The following EYS variants were observed in gnomAD, a reference collection of about 807,000 sequenced individuals.
EYS encodes the protein protein eyes shut homolog.
Under a neutral mutation model 282.1 loss-of-function variants are expected in EYS, and 250 were observed. That is an observed-to-expected ratio of 0.89 (90% CI 0.80 to 0.98). The LOEUF is 0.98. Among genes scored for constraint, EYS ranks in the 50% least tolerant of loss-of-function variants. The pLI is 0.00. For synonymous variants in EYS, 1,355 were observed against 1,282.9 expected (o/e 1.06, Z -1.20); for missense variants, 4,016 against 3,709.0 (o/e 1.08, Z -2.15).
chr6:64,059,125 CT>C (rs1771079434), intron 33 of EYS, among the ~76,000 whole-genome samples: 1 of 152,160 alleles, frequency 6.6e-6, no homozygotes, highest in African/African-American at 2.4e-5. Context: ...TGCAGATCCT[CT>C]TTCATCTGTT....
At chr6:63,860,787 A>T (rs529548737) in intron 36 of EYS, among the ~76,000 whole-genome samples, 29 of 152,338 alleles carry the variant, frequency 1.9e-4, no homozygotes, top group South Asian at 1.5e-3. Context: ...GGGCTGAGAG[A>T]TGAGAGGAGT....
At chr6:65,572,540 T>C (rs537779731) in intron 2 of EYS, among the ~76,000 whole-genome samples, 1 of 152,154 alleles carries the variant, frequency 6.6e-6, no homozygotes, top group African/African-American at 2.4e-5. Flanking sequence ...TTTTATCATA[T>C]GCAGGGGAAA....
At chr6:64,760,789 C>G (rs1347836176) in intron 22 of EYS, among the ~76,000 whole-genome samples, 2 of 152,096 alleles carry the variant, frequency 1.3e-5, no homozygotes, top group Non-Finnish European at 2.9e-5. Context: ...ATTCAGCCAG[C>G]CATGGATGCT....
chr6:64,428,265 T>C (rs549519463), intron 28 of EYS, among the ~76,000 whole-genome samples: 1 of 152,120 alleles, frequency 6.6e-6, no homozygotes, highest in African/African-American at 2.4e-5. Flanking sequence ...AGCAAGAATA[T>C]TTTTTCATCT....
intron 2 of EYS, among the ~76,000 whole-genome samples, chr6:65,582,635 AC>A (rs1335485200): frequency 6.6e-6 from 1 of 151,936 alleles, no homozygotes; most frequent in Non-Finnish European, 1.5e-5. Flanking sequence ...CTTTCAACAA[AC>A]CCATACACTC....
chr6:64,191,871 A>G lies in EYS; in HGVS notation c.6424+38721T>C, dbSNP rs540534308. Among the ~76,000 whole-genome samples, 1,338 of 151,018 alleles carry G rather than the reference A, an allele frequency of 8.9e-3. 16 individuals carry two copies. Among genetic ancestry groups the G allele is most frequent in the African/African-American group, 0.03 (1,249 of 41,038 alleles). On this transcript the variant is annotated intron_variant, in intron 31 of 42. Coordinates refer to ENST00000503581, the MANE Select transcript of EYS (RefSeq NM_001142800.2). ...TAATGGGATGGCTGGGTCAAATGGT[A>G]TTTCTAGTTCAAGATCCCTGAGGAA...
chr6:64,917,336 C>T (rs987438570), intron 15 of EYS, among the ~76,000 whole-genome samples: 3 of 151,730 alleles, frequency 2.0e-5, no homozygotes, highest in African/African-American at 7.3e-5. Context: ...GTTTACCTTA[C>T]CATAAACATT....
At chr6:64,150,735 C>A (rs564646606) in intron 31 of EYS, among the ~76,000 whole-genome samples, 1 of 152,184 alleles carries the variant, frequency 6.6e-6, no homozygotes, top group Admixed American at 6.5e-5. Context: ...GTAGCTCATG[C>A]CTATAACATC....
chr6:65,428,860 C>T (rs2150382379), intron 5 of EYS, among the ~76,000 whole-genome samples: 1 of 152,122 alleles, frequency 6.6e-6, no homozygotes, highest in African/African-American at 2.4e-5. Flanking sequence ...CCACATGAGG[C>T]ACCAATATGA....
chr6:64,305,768 A>C (rs1769418962), intron 30 of EYS, among the ~76,000 whole-genome samples: 1 of 152,216 alleles, frequency 6.6e-6, no homozygotes, highest in African/African-American at 2.4e-5. Context: ...TGAAACTTTA[A>C]AGCTTTTAGT....
At position 65,405,216 on chromosome 6, in the gene EYS, TAATGA is replaced by T; in HGVS notation, c.1009_1013del (p.Leu338ThrfsTer7). 6 of 1,613,238 alleles carry T rather than the reference TAATGA, an allele frequency of 3.7e-6. No homozygotes were observed. The highest frequency in any genetic ancestry group is 4.2e-6 in the Non-Finnish European group (5 of 1,179,438). On this transcript the variant is annotated frameshift_variant, in exon 6 of 43. Coordinates refer to ENST00000503581, the MANE Select transcript of EYS (RefSeq NM_001142800.2). LOFTEE classifies it high-confidence loss of function. Reference sequence around the variant, plus strand: ...AGTCAGTACCATTCTGACATGGTACTAATGAAAACTCACTGACATCAGTTTCACCA... The same window carrying T: ...AGTCAGTACCATTCTGACATGGTACTAAACTCACTGACATCAGTTTCACCA...
intron 31 of EYS, among the ~76,000 whole-genome samples, chr6:64,120,171 C>A (rs1157520928): frequency 6.7e-6 from 1 of 149,340 alleles, no homozygotes; most frequent in Non-Finnish European, 1.5e-5. Context: ...CACGGTGAAA[C>A]CCTGTCTCTA....
At chr6:65,050,218 A>T (rs1773228888) in intron 13 of EYS, among the ~76,000 whole-genome samples, 1 of 151,658 alleles carries the variant, frequency 6.6e-6, no homozygotes, top group Admixed American at 6.6e-5. Flanking sequence ...CAGGTTCCCT[A>T]TATGCTTGCT....
chr6:65,589,554 G>A (rs868697118), intron 2 of EYS, among the ~76,000 whole-genome samples: 2 of 151,648 alleles, frequency 1.3e-5, no homozygotes, highest in African/African-American at 4.8e-5. Flanking sequence ...GTACTCTCAC[G>A]TAGCAAATTT....
chr6:63,829,819 G>A (rs1033466417), intron 36 of EYS, among the ~76,000 whole-genome samples: 1 of 152,210 alleles, frequency 6.6e-6, no homozygotes, highest in African/African-American at 2.4e-5. Context: ...TCCCAGTAGG[G>A]GATGACTGAC....
At chr6:65,155,661 T>C (rs1257580863) in intron 12 of EYS, among the ~76,000 whole-genome samples, 1 of 151,590 alleles carries the variant, frequency 6.6e-6, no homozygotes, top group Non-Finnish European at 1.5e-5. Flanking sequence ...TGAATTGTTC[T>C]TGGAAATTTT....
intron 12 of EYS, among the ~76,000 whole-genome samples, chr6:65,178,863 C>T (rs1425469723): frequency 6.6e-6 from 1 of 152,090 alleles, no homozygotes; most frequent in Non-Finnish European, 1.5e-5. Context: ...CAAACTGTCT[C>T]TCAGACCACA....
chr6:64,666,323 A>G (rs750319560), intron 22 of EYS, among the ~76,000 whole-genome samples: 45 of 152,314 alleles, frequency 3.0e-4, no homozygotes, highest in Non-Finnish European at 5.3e-4. Context: ...TCATGACAAC[A>G]TATCTTTCAC....
intron 1 of EYS, among the ~76,000 whole-genome samples, chr6:65,663,396 A>G (rs1365679788): frequency 6.6e-6 from 1 of 152,200 alleles, no homozygotes; most frequent in Non-Finnish European, 1.5e-5. Flanking sequence ...GTAGAGTGTC[A>G]TCAGGCTATA....
Sources: gnomAD v4.1 joint callset for allele counts (sites outside exome capture counted in the v4.1 genomes callset) on GRCh38, gnomAD v4.1.1 for gene constraint, MANE v1.5 for transcripts, NCBI Gene and HGNC (gene_info 2026-07-23, HGNC 2026-07-21) for gene names.